Variants in FOXRED1 observed in about 807,000 individuals in gnomAD.
FOXRED1 encodes FAD dependent oxidoreductase domain containing 1, also known as FAD-dependent oxidoreductase domain-containing protein 1.
FOXRED1 carries 52 observed loss-of-function variants against 57.8 expected under a neutral mutation model. The ratio of observed to expected loss-of-function variants is 0.90; its 90% CI spans 0.72 to 1.13. The LOEUF is 1.13. FOXRED1 is among the 50% of genes most tolerant of loss of function. FOXRED1 has a pLI of 0.00. For missense variants in FOXRED1, 589 were observed against 625.2 expected (o/e 0.94, Z 0.62); for synonymous variants, 271 against 248.3 (o/e 1.09, Z -0.86).
Position 126,277,315 on chromosome 11 carries a change from T to A in FOXRED1, c.1207-120T>A, listed in dbSNP as rs1951181405. On this transcript the variant is annotated intron_variant, in intron 10 of 10. Coordinates refer to ENST00000263578, the MANE Select transcript of FOXRED1 (RefSeq NM_017547.4). The surrounding 1 kb of genome is among the most constrained non-coding windows in gnomAD (Gnocchi z 6.8). The stretch of plus-strand genomic sequence containing the variant: ...ACTGCTAAGGAATTTCTTGGACACA[T>A]CCCATCCCATAGACCCCTCAGCAGC... The A allele has an allele frequency of 1.5e-6, 2 of 1,337,760 alleles. No individual in the cohort carries two copies. The highest frequency in any genetic ancestry group is 2.1e-6 in the Non-Finnish European group (2 of 930,972). 82.9% of individuals were successfully genotyped at this position (1,337,760 alleles called of 1,614,324 possible). A position where few individuals can be genotyped will look rare whatever the true frequency, so the allele number is the denominator to read the frequency against.
chr11:126,273,396 C>G lies in FOXRED1; in HGVS notation c.478C>G (p.Leu160Val). 3 of 1,614,032 alleles carry G rather than the reference C, an allele frequency of 1.9e-6. No homozygotes were observed. The highest frequency in any genetic ancestry group is 2.5e-6 in the Non-Finnish European group (3 of 1,180,034). Residue 160 changes from leucine to valine, a missense_variant, in exon 4 of 11, where the codon CTC becomes GTC. Physicochemically the swap from Leu to Val is conservative, Grantham distance 32 (BLOSUM62 1). Transcript: ENST00000263578. This position sits in a 1 kb window ranked among gnomAD's most constrained non-coding sequence, Gnocchi z 5.9. ...CCTCCGGTTCAACCCCTCGGGCTAC[C>G]TCTTGCTGGCTTCAGAAAAGGATGC... The part of the protein sequence containing the change: ...LDLRFNPSGY[L>V]LLASEKDAAA...
At chr11:126,276,647 A>C in intron 9 of FOXRED1, 124 bp downstream of exon 9, 2 of 1,039,524 alleles carry the variant, frequency 1.9e-6, no homozygotes, top group Non-Finnish European at 2.9e-6. Context: ...AGGCCAAGGC[A>C]GGTGGATCAC....
Position 126,273,376 on chromosome 11 carries a change from G to C in FOXRED1, c.458G>C (p.Arg153Pro). 1.2e-6 allele frequency: 2 copies of C among 1,613,998 alleles called. No individual in the cohort carries two copies. The highest frequency in any genetic ancestry group is 2.2e-5 in the East Asian group (1 of 44,884). Residue 153 changes from arginine (R) to proline (P), a missense_variant, in exon 4 of 11, where the codon CGG (arginine) becomes CCG (proline). By Grantham distance (103) the Arg-to-Pro change is moderately radical. Transcript: ENST00000263578. The surrounding 1 kb of genome is among the most constrained non-coding windows in gnomAD (Gnocchi z 5.9). ...GTCGATGCTCCTCCCCTGGACCTCC[G>C]GTTCAACCCCTCGGGCTACCTCTTG... ...AVVDAPPLDL[R>P]FNPSGYLLLA...
Position 126,273,245 on chromosome 11 carries a change from TGA to T in FOXRED1, c.418-89_418-88del. The T allele has an allele frequency of 9.1e-7, 1 of 1,104,394 alleles. No individual in the cohort carries two copies. The highest frequency in any genetic ancestry group is 2.3e-5 in the East Asian group (1 of 42,572). The allele number at this position is 1,104,394 out of a possible 1,614,324, so 68.4% of individuals were successfully genotyped here. On this transcript the variant is annotated intron_variant, in intron 3 of 10. Transcript: ENST00000263578. This position sits in a 1 kb window ranked among gnomAD's most constrained non-coding sequence, Gnocchi z 5.9. ...TGGTGGTGCCGCAGGTCTGGGGCAC[TGA>T]GCCTGGGGAGCTGTGGGGGAAGAAG...
At position 126,275,409 on chromosome 11, in the gene FOXRED1, C is replaced by G; in HGVS notation, c.714C>G (p.Phe238Leu). The G allele has an allele frequency of 6.2e-7, 1 of 1,612,972 alleles. No homozygotes were observed. The highest frequency in any genetic ancestry group is 8.5e-7 in the Non-Finnish European group (1 of 1,178,962). Residue 238 changes from phenylalanine (F) to leucine (L), a missense_variant, in exon 6 of 11, where the codon TTC becomes TTG. Phe to Leu is a conservative substitution (Grantham distance 22). Coordinates refer to ENST00000263578, the MANE Select transcript of FOXRED1 (RefSeq NM_017547.4). The surrounding 1 kb of genome is among the most constrained non-coding windows in gnomAD (Gnocchi z 5.9). ...AGGTCCAGTCCTTGGGAGTCCTTTT[C>G]TGCCAGGGAGAGGTGACACGTGAGT... Reference protein sequence around the residue: ...RRKVQSLGVLFCQGEVTRFVS... With the variant: ...RRKVQSLGVLLCQGEVTRFVS...
At chr11:126,276,246 G>T in intron 8 of FOXRED1, 27 bp downstream of exon 8, 1 of 1,576,144 alleles carries the variant, frequency 6.3e-7, no homozygotes, top group East Asian at 2.3e-5. Context: ...CAGCTGAGGA[G>T]GTTGGTGAGA....
intron 1 of FOXRED1, among the ~76,000 whole-genome samples, chr11:126,270,554 G>A (rs1950956673): frequency 6.6e-6 from 1 of 152,202 alleles, no homozygotes; most frequent in Non-Finnish European, 1.5e-5. Context: ...AGTGGACACA[G>A]TTTAAAAGCA....
At position 126,271,234 on chromosome 11, in the gene FOXRED1, C is replaced by A; in HGVS notation, c.86-203C>A. 4.8e-6 allele frequency: 2 copies of A among 413,688 alleles called. No homozygotes were observed. Among genetic ancestry groups the A allele is most frequent in the Non-Finnish European group, 8.1e-6 (2 of 246,464 alleles). The allele number at this position is 413,688 out of a possible 1,614,324, so 25.6% of individuals were successfully genotyped here. On this transcript the variant is annotated intron_variant, in intron 1 of 10. Coordinates refer to ENST00000263578, the MANE Select transcript of FOXRED1 (RefSeq NM_017547.4). This position sits in a 1 kb window ranked among gnomAD's most constrained non-coding sequence, Gnocchi z 5.3. The stretch of plus-strand genomic sequence containing the variant: ...GAATCTTGCAGTGCTTGGCACAATG[C>A]ATGAAGAGACTGATGGCATGTGGAC...
rs1565357048 is a variant in FOXRED1 at position 126,276,499 on chromosome 11, C to T, written c.1077C>T (p.Tyr359=). Residue 359 remains tyrosine (Y), a synonymous_variant, in exon 9 of 11, where the codon TAC becomes TAT. Coordinates refer to ENST00000263578, the MANE Select transcript of FOXRED1 (RefSeq NM_017547.4). ...GCCGGGAAGGATTAGGTAGCAACTA[C>T]CTAGGTGGTCGTAGCCCCACTGAGG... The part of the protein sequence containing the change: ...YFRREGLGSN[Y]LGGRSPTEQE... The T allele has an allele frequency of 3.1e-6, 5 of 1,608,098 alleles. No individual in the cohort carries two copies. The highest frequency in any genetic ancestry group is 2.5e-6 in the Non-Finnish European group (3 of 1,177,130).
In FOXRED1 at chr11:126,276,234, G is replaced by A; in HGVS notation, c.971+15G>A. ...CCGAGGAAAAGGTAACTGCCCTCCG[G>A]ACAGCTGAGGAGGTTGGTGAGAAAG... On this transcript the variant is annotated intron_variant, in intron 8 of 10. Transcript: ENST00000263578. The A allele has an allele frequency of 6.3e-7, 1 of 1,579,348 alleles. No homozygotes were observed. The highest frequency in any genetic ancestry group is 8.6e-7 in the Non-Finnish European group (1 of 1,166,324).
At position 126,273,042 on chromosome 11, in the gene FOXRED1, T is replaced by G. The variant is rs1951032857; in HGVS notation, c.380T>G (p.Leu127Arg). 6.2e-7 allele frequency: 1 copy of G among 1,605,108 alleles called. No homozygotes were observed. Among genetic ancestry groups the G allele is most frequent in the Non-Finnish European group, 8.5e-7 (1 of 1,171,860 alleles). The stretch of plus-strand genomic sequence containing the variant: ...TTCTCATTGCCTGAGAACATCCAGC[T>G]CTCCCTCTTTTCAGCCAGCTTTCTA... Reference protein sequence around the residue: ...QQFSLPENIQLSLFSASFLRN... With the variant: ...QQFSLPENIQRSLFSASFLRN... The change falls in exon 3 of 11, where the codon CTC (leucine) becomes CGC (arginine). Residue 127 changes from leucine (L) to arginine (R), a missense_variant. Coordinates refer to ENST00000263578, the MANE Select transcript of FOXRED1 (RefSeq NM_017547.4). This position sits in a 1 kb window ranked among gnomAD's most constrained non-coding sequence, Gnocchi z 5.9.
chr11:126,275,048 C>G lies in FOXRED1; in HGVS notation c.631+27C>G. On this transcript the variant is annotated intron_variant, in intron 5 of 10. Transcript: ENST00000263578. This position sits in a 1 kb window ranked among gnomAD's most constrained non-coding sequence, Gnocchi z 5.9. ...TGAGGCTTGCTTGCAGAGGGGACAG[C>G]TTTTTTCCTGAAGATGGAGACTAAG... 6.8e-7 allele frequency: 1 copy of G among 1,481,148 alleles called. No individual in the cohort carries two copies. 91.8% of individuals were successfully genotyped at this position (1,481,148 alleles called of 1,614,324 possible). A position where few individuals can be genotyped will look rare whatever the true frequency, so the allele number is the denominator to read the frequency against.
Position 126,275,484 on chromosome 11 carries a change from A to C in FOXRED1, c.733+56A>C. 1 of 1,227,080 alleles carries C rather than the reference A, an allele frequency of 8.1e-7. No individual in the cohort carries two copies. The highest frequency in any genetic ancestry group is 2.3e-5 in the East Asian group (1 of 43,148). 76.0% of individuals were successfully genotyped at this position (1,227,080 alleles called of 1,614,324 possible). On this transcript the variant is annotated intron_variant, in intron 6 of 10. Transcript: ENST00000263578. The surrounding 1 kb of genome is among the most constrained non-coding windows in gnomAD (Gnocchi z 5.9). ...GGGGCATAGGCCTAGACTAGGTCTTATCTTCTCACTCACAAGCTAAGCAAG... is the reference window on the plus strand; with the variant it reads ...GGGGCATAGGCCTAGACTAGGTCTTCTCTTCTCACTCACAAGCTAAGCAAG...
rs1168226778 is a variant in FOXRED1, at chr11:126,271,962, CTTTTTT to C, written c.306+317_306+322del. 1.7e-5 allele frequency: 5 copies of C among 299,482 alleles called. No individual in the cohort carries two copies. The highest frequency in any genetic ancestry group is 4.7e-5 in the Admixed American group (1 of 21,468). The allele number at this position is 299,482 out of a possible 1,614,324, so 18.6% of individuals were successfully genotyped here. On this transcript the variant is annotated intron_variant, in intron 2 of 10. Coordinates refer to ENST00000263578, the MANE Select transcript of FOXRED1 (RefSeq NM_017547.4). This position sits in a 1 kb window ranked among gnomAD's most constrained non-coding sequence, Gnocchi z 5.3. ...CTATAATTAAGTGTCTCAATTTTCT[CTTTTTT>C]TTTTTTTTTTTGAGACAGAGTCTTG...
In FOXRED1 at chr11:126,275,518, G is replaced by T; in HGVS notation, c.733+90G>T. The T allele has an allele frequency of 1.0e-6, 1 of 965,350 alleles. No individual in the cohort carries two copies. The highest frequency in any genetic ancestry group is 1.7e-6 in the Non-Finnish European group (1 of 596,474). 59.8% of individuals were successfully genotyped at this position (965,350 alleles called of 1,614,324 possible). On this transcript the variant is annotated intron_variant, in intron 6 of 10. Transcript: ENST00000263578. This position sits in a 1 kb window ranked among gnomAD's most constrained non-coding sequence, Gnocchi z 5.9. ...CTCACAAGCTAAGCAAGGGCTGGAG[G>T]GGGAAAGGGGTCTCCCTGAGAGCAG...
chr11:126,273,492 C>A lies in FOXRED1; in HGVS notation c.536+38C>A. The A allele has an allele frequency of 2.2e-6, 3 of 1,388,334 alleles. No homozygotes were observed. The highest frequency in any genetic ancestry group is 3.1e-6 in the Non-Finnish European group (3 of 974,726). The allele number at this position is 1,388,334 out of a possible 1,614,324, so 86.0% of individuals were successfully genotyped here. A position where few individuals can be genotyped will look rare whatever the true frequency, so the allele number is the denominator to read the frequency against. ...CACAGCCTCTTAGCTGCTTGGCAGC[C>A]AAAGGTGTTGGGTGACTCCTGCACC... On this transcript the variant is annotated intron_variant, in intron 4 of 10. Coordinates refer to ENST00000263578, the MANE Select transcript of FOXRED1 (RefSeq NM_017547.4). This position sits in a 1 kb window ranked among gnomAD's most constrained non-coding sequence, Gnocchi z 5.9.
At position 126,275,995 on chromosome 11, in the gene FOXRED1, C is replaced by T; in HGVS notation, c.811-64C>T. 6.2e-7 allele frequency: 1 copy of T among 1,600,246 alleles called. No individual in the cohort carries two copies. Among genetic ancestry groups the T allele is most frequent in the Non-Finnish European group, 8.6e-7 (1 of 1,168,114 alleles). On this transcript the variant is annotated intron_variant, in intron 7 of 10. Transcript: ENST00000263578. The surrounding 1 kb of genome is among the most constrained non-coding windows in gnomAD (Gnocchi z 5.9). ...GTAAACTAAGGCTCAGGAAGCAGTG[C>T]ATCTCTCAGGGTGCCTGGTGTGTGG...
intron 1 of FOXRED1, among the ~76,000 whole-genome samples, chr11:126,270,246 GAC>G (rs1950945038): frequency 6.6e-6 from 1 of 152,224 alleles, no homozygotes; most frequent in South Asian, 2.1e-4. Context: ...ATGTAGTGTG[GAC>G]AGGTAAGCTA....
chr11:126,272,423 GCTGGGAC>G lies in FOXRED1; in HGVS notation c.307-544_307-538del. On this transcript the variant is annotated intron_variant, in intron 2 of 10. Coordinates refer to ENST00000263578, the MANE Select transcript of FOXRED1 (RefSeq NM_017547.4). The surrounding 1 kb of genome is among the most constrained non-coding windows in gnomAD (Gnocchi z 4.6). ...TCCTCCCACCTTAGCCTCCAGAGTAGCTGGGACCACAGGCATGCACCACCACACCTGG... is the reference window on the plus strand; with the variant it reads ...TCCTCCCACCTTAGCCTCCAGAGTAGCACAGGCATGCACCACCACACCTGG... 1 of 206,960 alleles carries G rather than the reference GCTGGGAC, an allele frequency of 4.8e-6. No individual in the cohort carries two copies. Among genetic ancestry groups the G allele is most frequent in the Non-Finnish European group, 9.9e-6 (1 of 101,252 alleles). 12.8% of individuals were successfully genotyped at this position (206,960 alleles called of 1,614,324 possible). A position where few individuals can be genotyped will look rare whatever the true frequency, so the allele number is the denominator to read the frequency against.
Sources: gnomAD v4.1 joint callset for allele counts (sites outside exome capture counted in the v4.1 genomes callset) on GRCh38, gnomAD v4.1.1 for gene constraint, Gnocchi (gnomAD v3.1) non-coding constraint, MANE v1.5 for transcripts, NCBI Gene and HGNC (gene_info 2026-07-23, HGNC 2026-07-21) for gene names.